Variants in SNRNP40 observed in about 807,000 individuals in gnomAD.
The protein encoded by SNRNP40 is U5 small nuclear ribonucleoprotein 40 kDa protein.
Under a neutral mutation model 45.8 loss-of-function variants are expected in SNRNP40, and 21 were observed. That is an observed-to-expected ratio of 0.46 (90% confidence interval 0.32 to 0.66). The LOEUF is 0.66. Among genes scored for constraint, SNRNP40 ranks in the 30% least tolerant of loss-of-function variants. The probability of loss-of-function intolerance (pLI) is 0.03; values close to 1 mark genes in which losing one functional copy is unlikely to be tolerated. For missense variants in SNRNP40, 344 were observed against 439.1 expected (o/e 0.78, Z 1.94); for synonymous variants, 142 against 163.8 (o/e 0.87, Z 1.01).
chr1:31,269,739 C>A (rs368345812), intron 6 of SNRNP40: 37 of 169,558 alleles, frequency 2.2e-4, no homozygotes, highest in African/African-American at 7.8e-4. Context: ...TCAAATAAAT[C>A]AAAAAAGCAC....
At chr1:31,264,699 T>C (rs893537521) in intron 8 of SNRNP40, among the ~76,000 whole-genome samples, 1 of 152,190 alleles carries the variant, frequency 6.6e-6, no homozygotes, top group African/African-American at 2.4e-5. Flanking sequence ...TAAATCACTC[T>C]TGGCCGAGAG....
At chr1:31,262,886 C>CTTGGGATTA (rs1645869915) in intron 8 of SNRNP40, among the ~76,000 whole-genome samples, 1 of 151,844 alleles carries the variant, frequency 6.6e-6, no homozygotes, top group South Asian at 2.1e-4. Flanking sequence ...CCTGTGGTCC[C>CTTGGGATTA]AGCTACTTGG....
intron 5 of SNRNP40, among the ~76,000 whole-genome samples, chr1:31,274,187 T>C (rs1645958655): frequency 6.6e-6 from 1 of 151,988 alleles, no homozygotes; most frequent in Admixed American, 6.6e-5. Flanking sequence ...GGGTTCAAAA[T>C]AGAAAAATGA....
chr1:31,272,017 T>TA (rs1464392877), intron 5 of SNRNP40, among the ~76,000 whole-genome samples: 2 of 152,138 alleles, frequency 1.3e-5, no homozygotes, highest in Non-Finnish European at 2.9e-5. Context: ...AATGTTAAGA[T>TA]AAAGTTTTAC....
intron 5 of SNRNP40, 91 bp from the exon 6 acceptor site, chr1:31,271,590 C>T (rs1156921836): frequency 8.4e-7 from 1 of 1,193,502 alleles, no homozygotes; most frequent in African/African-American, 1.6e-5. Context: ...TGCCCAGAGA[C>T]ACTGATATTA....
chr1:31,280,104 ACT>A (rs1185941689), intron 5 of SNRNP40, among the ~76,000 whole-genome samples: 9 of 91,096 alleles, frequency 9.9e-5, no homozygotes, highest in Non-Finnish European at 1.1e-4. Context: ...ACAGAGGAAG[ACT>A]CTGACTCAAA....
At chr1:31,288,868 A>T (rs979825287) in intron 4 of SNRNP40, among the ~76,000 whole-genome samples, 5 of 152,136 alleles carry the variant, frequency 3.3e-5, no homozygotes, top group Non-Finnish European at 7.3e-5. Flanking sequence ...AGCAACTGGA[A>T]CTACAGGTGC....
chr1:31,273,507 G>A (rs1293068750), intron 5 of SNRNP40, among the ~76,000 whole-genome samples: 1 of 152,020 alleles, frequency 6.6e-6, no homozygotes, highest in Non-Finnish European at 1.5e-5. Context: ...GGGCATGGTG[G>A]TGCACACCTG....
chr1:31,277,173 G>A (rs1013500386), intron 5 of SNRNP40, among the ~76,000 whole-genome samples: 2 of 152,054 alleles, frequency 1.3e-5, no homozygotes, highest in African/African-American at 2.4e-5. Context: ...CTCCAGCCTC[G>A]GCAGAGCGAG....
rs149273735 is a variant in SNRNP40 at position 31,283,982 on chromosome 1, C to T, written c.532-2486G>A. ...CTCATGCCTGTAACCCCAGCACTTTCGGAGGCCGAGGCCAGGAGGATGGCT... is the reference window on the plus strand; with the variant it reads ...CTCATGCCTGTAACCCCAGCACTTTTGGAGGCCGAGGCCAGGAGGATGGCT... On this transcript the variant is annotated intron_variant, in intron 4 of 9. Transcript: ENST00000263694. Among the ~76,000 whole-genome samples the T allele has an allele frequency of 2.2e-3, 330 of 152,122 alleles. 5 individuals are homozygous for T. Among genetic ancestry groups the T allele is most frequent in the African/African-American group, 7.7e-3 (320 of 41,476 alleles).
At chr1:31,283,597 C>T (rs1371340804) in intron 4 of SNRNP40, among the ~76,000 whole-genome samples, 3 of 152,070 alleles carry the variant, frequency 2.0e-5, no homozygotes, top group Non-Finnish European at 2.9e-5. Context: ...AGCGAGACTT[C>T]GTCTCAAAAA....
intron 8 of SNRNP40, among the ~76,000 whole-genome samples, chr1:31,265,826 T>A (rs907017770): frequency 6.8e-6 from 1 of 146,480 alleles, no homozygotes; most frequent in African/African-American, 2.5e-5. Flanking sequence ...GGCGACAGAG[T>A]GAGACTACAT....
At chr1:31,272,875 T>A (rs757883215) in intron 5 of SNRNP40, among the ~76,000 whole-genome samples, 100 of 152,362 alleles carry the variant, frequency 6.6e-4, no homozygotes, top group Non-Finnish European at 1.2e-3. Context: ...GTAATTTTGT[T>A]AAGGTCACTG....
rs964854911 is a variant in SNRNP40, at chr1:31,296,761, C to A, written c.-10G>T. 1.3e-6 allele frequency: 2 copies of A among 1,591,388 alleles called. No homozygotes were observed. Among genetic ancestry groups the A allele is most frequent in the East Asian group, 4.5e-5 (2 of 44,226 alleles). On this transcript the variant is annotated 5_prime_UTR_variant, in exon 1 of 10. Coordinates refer to ENST00000263694, the MANE Select transcript of SNRNP40 (RefSeq NM_004814.3). The stretch of plus-strand genomic sequence containing the variant: ...TCTGCTGTTCTATCATGGCGGCAAC[C>A]GGTCTCTTCAGCGCCGCCACTGACC...
In SNRNP40 at chr1:31,271,359, GATTTC is replaced by G. The variant is rs747160030; in HGVS notation, c.775+15_775+19del. The G allele has an allele frequency of 2.5e-6, 4 of 1,600,102 alleles. No homozygotes were observed. The highest frequency in any genetic ancestry group is 3.4e-6 in the Non-Finnish European group (4 of 1,176,064). On this transcript the variant is annotated intron_variant, in intron 6 of 9. Transcript: ENST00000263694. ...GACTTTTTCCTTGGATCCTGGGAGA[GATTTC>G]CTTTCCAAAGTTACCTGTATTGTCC... is the stretch of plus-strand genomic sequence containing the variant.
chr1:31,289,424 AAAGT>A lies in SNRNP40; in HGVS notation c.366-9_366-6del, dbSNP rs1308914332. ...GTGGATGCTGAGAAAAGCATACTAG[AAAGT>A]AAGAGAAAGAATAAAAAAGAAATAA... On this transcript the variant is annotated splice_polypyrimidine_tract_variant and splice_region_variant and intron_variant, in intron 3 of 9. Coordinates refer to ENST00000263694, the MANE Select transcript of SNRNP40 (RefSeq NM_004814.3). The A allele has an allele frequency of 4.4e-6, 7 of 1,605,992 alleles. No individual in the cohort carries two copies. Among genetic ancestry groups the A allele is most frequent in the Non-Finnish European group, 6.0e-6 (7 of 1,174,028 alleles).
chr1:31,265,504 C>A (rs1005196540), intron 8 of SNRNP40, among the ~76,000 whole-genome samples: 2 of 151,924 alleles, frequency 1.3e-5, no homozygotes, highest in Non-Finnish European at 2.9e-5. Context: ...ATGCCAGAAA[C>A]AAACTGCTCA....
chr1:31,273,991 A>G (rs1207509732), intron 5 of SNRNP40, among the ~76,000 whole-genome samples: 1 of 151,864 alleles, frequency 6.6e-6, no homozygotes, highest in Non-Finnish European at 1.5e-5. Context: ...ACTTAGACAA[A>G]GTGGAAGGGT....
intron 1 of SNRNP40, among the ~76,000 whole-genome samples, chr1:31,294,397 A>G (rs1646127377): frequency 6.6e-6 from 1 of 152,164 alleles, no homozygotes; most frequent in South Asian, 2.1e-4. Flanking sequence ...CAAATGGGAG[A>G]AGTATACTAC....
Sources: gnomAD v4.1 joint callset for allele counts (sites outside exome capture counted in the v4.1 genomes callset) on GRCh38, gnomAD v4.1.1 for gene constraint, MANE v1.5 for transcripts, NCBI Gene and HGNC (gene_info 2026-07-23, HGNC 2026-07-21) for gene names.